The following SBF2 variants were observed in gnomAD, a reference collection of about 807,000 sequenced individuals.
SBF2 encodes SET binding factor 2.
Under a neutral mutation model 225.2 loss-of-function variants are expected in SBF2, and 112 were observed. The observed-to-expected ratio is 0.50, with a 90% CI of 0.43 to 0.58. The LOEUF is 0.58. Ranked by LOEUF, SBF2 falls within the 20% of genes least tolerant of loss-of-function variation. The pLI is 0.00. For synonymous variants in SBF2, 763 were observed against 773.3 expected (o/e 0.99, Z 0.22); for missense variants, 1,996 against 2,206.2 (o/e 0.90, Z 1.91).
intron 6 of SBF2, 93 bp from the exon 7 acceptor site, chr11:10,002,782 T>C (rs902264104): frequency 8.2e-7 from 1 of 1,225,012 alleles, no homozygotes; most frequent in African/African-American, 1.5e-5. Flanking sequence ...AAAAAGCCAG[T>C]AATTTTGGAC....
intron 2 of SBF2, among the ~76,000 whole-genome samples, chr11:10,077,826 A>T (rs1951181777): frequency 6.6e-6 from 1 of 152,246 alleles, no homozygotes; most frequent in Non-Finnish European, 1.5e-5. Context: ...ACAGCAAAAG[A>T]AACTATCAGC....
rs1244758143 is a variant in SBF2, at chr11:9,810,042, T to A, written c.4156-1040A>T. ...CTGTAATCCCAGCACTTTGGGAGGT[T>A]GAAGCAGGAGTAGTGCTTGAGCTCA... is the stretch of plus-strand genomic sequence containing the variant. On this transcript the variant is annotated intron_variant, in intron 30 of 39. Transcript: ENST00000256190. 5.9e-5 allele frequency among the ~76,000 whole-genome samples: 9 copies of A among 152,190 alleles called. 1 individual carries two copies. Among genetic ancestry groups the A allele is most frequent in the African/African-American group, 2.2e-4 (9 of 41,522 alleles).
intron 1 of SBF2, among the ~76,000 whole-genome samples, chr11:10,270,309 A>C (rs562926802): frequency 6.6e-6 from 1 of 152,216 alleles, no homozygotes; most frequent in Admixed American, 6.5e-5. Context: ...CCTTACAGAT[A>C]ACATAAATGG....
At chr11:10,007,334 A>G (rs1948241038) in intron 6 of SBF2, among the ~76,000 whole-genome samples, 1 of 152,134 alleles carries the variant, frequency 6.6e-6, no homozygotes, top group African/African-American at 2.4e-5. Context: ...CACGCCCCTC[A>G]GATGCATTCT....
intron 2 of SBF2, chr11:10,044,407 T>C (rs565352773): frequency 6.5e-6 from 1 of 154,810 alleles, no homozygotes; most frequent in South Asian, 2.0e-4. Flanking sequence ...GCAATGTAGA[T>C]ATAATAAGCA....
chr11:9,922,461 A>G (rs1259275038), intron 16 of SBF2, among the ~76,000 whole-genome samples: 3 of 152,194 alleles, frequency 2.0e-5, no homozygotes, highest in Non-Finnish European at 4.4e-5. Context: ...ACTTTTACAC[A>G]TATCTGCAAT....
chr11:9,811,790 G>T (rs1171421432), intron 30 of SBF2, among the ~76,000 whole-genome samples: 1 of 151,800 alleles, frequency 6.6e-6, no homozygotes, highest in African/African-American at 2.4e-5. Context: ...GGTAGATGGA[G>T]GCAGGGGACT....
Position 9,780,005 on chromosome 11 carries a change from C to A in SBF2, c.*413G>T, listed in dbSNP as rs1851911609. ...TAGTCCAGGTAGAATATGAGACAATCTTGGAGGGTTTTGATTTTTGCTTGT... is the reference window on the plus strand; with the variant it reads ...TAGTCCAGGTAGAATATGAGACAATATTGGAGGGTTTTGATTTTTGCTTGT... On this transcript the variant is annotated 3_prime_UTR_variant, in exon 40 of 40. Transcript: ENST00000256190. The A allele has an allele frequency of 1.8e-5, 5 of 280,528 alleles. No homozygotes were observed. The highest frequency in any genetic ancestry group is 1.6e-4 in the South Asian group (4 of 25,220). 17.4% of individuals were successfully genotyped at this position (280,528 alleles called of 1,614,324 possible).
At chr11:10,090,994 C>G (rs1951762521) in intron 2 of SBF2, among the ~76,000 whole-genome samples, 1 of 152,006 alleles carries the variant, frequency 6.6e-6, no homozygotes, top group Non-Finnish European at 1.5e-5. Flanking sequence ...AAAATGGTAT[C>G]TGAGAAATAA....
intron 2 of SBF2, among the ~76,000 whole-genome samples, chr11:10,052,140 G>C (rs1480411559): frequency 7.3e-6 from 1 of 137,276 alleles, no homozygotes; most frequent in Non-Finnish European, 1.6e-5. Context: ...TCTCCCCAGT[G>C]TCTTTATAGG....
chr11:9,784,250 T>C, intron 38 of SBF2, 101 bp downstream of exon 38: 1 of 901,906 alleles, frequency 1.1e-6, no homozygotes, highest in Non-Finnish European at 1.9e-6. Context: ...AAAAAAGCAG[T>C]CTGTACATGA....
rs752094261 is a variant in SBF2, at chr11:9,856,528, T to C, written c.2293A>G (p.Lys765Glu). 7 of 1,614,082 alleles carry C rather than the reference T, an allele frequency of 4.3e-6. No individual in the cohort carries two copies. The highest frequency in any genetic ancestry group is 1.3e-5 in the African/African-American group (1 of 74,926). The change falls in exon 19 of 40, where the codon AAA becomes GAA. Residue 765 changes from lysine (K) to glutamate (E), a missense_variant. Transcript: ENST00000256190. ...GCTGATGTTCTTAGGAGCTTGTTTT[T>C]ACTTGTGTCGAGTGGAACTAGCAGG... ...VNLLVPLDTS[K>E]NKLLRTSAPG...
chr11:10,206,114 T>A (rs1037285988), intron 1 of SBF2, among the ~76,000 whole-genome samples: 1 of 151,112 alleles, frequency 6.6e-6, no homozygotes, highest in Non-Finnish European at 1.5e-5. Flanking sequence ...CCACACAAAG[T>A]AGCCTGGTCC....
At chr11:10,047,023 C>G (rs1001395754) in intron 2 of SBF2, among the ~76,000 whole-genome samples, 14 of 152,006 alleles carry the variant, frequency 9.2e-5, no homozygotes, top group African/African-American at 3.1e-4. Flanking sequence ...ATACCATTTA[C>G]ATTAGCACTC....
At chr11:10,066,834 AG>A (rs1420805705) in intron 2 of SBF2, among the ~76,000 whole-genome samples, 4 of 152,224 alleles carry the variant, frequency 2.6e-5, no homozygotes, top group Non-Finnish European at 5.9e-5. Context: ...AAATCTACAA[AG>A]AGTGGACTCT....
intron 16 of SBF2, among the ~76,000 whole-genome samples, chr11:9,910,823 T>G (rs1180766062): frequency 2.1e-5 from 3 of 142,462 alleles, no homozygotes. Flanking sequence ...CCAAAGCAGG[T>G]GGATCATGAG....
intron 13 of SBF2, among the ~76,000 whole-genome samples, chr11:9,988,455 G>A (rs946070426): frequency 2.4e-4 from 37 of 152,148 alleles, no homozygotes; most frequent in Non-Finnish European, 7.4e-5. Flanking sequence ...ACAGTCAGCA[G>A]AGTAAACAGA....
chr11:10,183,127 AC>A (rs1565329010), intron 2 of SBF2, among the ~76,000 whole-genome samples: 2 of 152,108 alleles, frequency 1.3e-5, no homozygotes, highest in Non-Finnish European at 2.9e-5. Context: ...GGTGATCATC[AC>A]CCCACATTTT....
intron 2 of SBF2, among the ~76,000 whole-genome samples, chr11:10,124,198 C>A (rs1953626968): frequency 6.6e-6 from 1 of 152,104 alleles, no homozygotes; most frequent in South Asian, 2.1e-4. Flanking sequence ...CTATTAAGTT[C>A]TAAGGTGTTT....
Sources: gnomAD v4.1 joint callset for allele counts (sites outside exome capture counted in the v4.1 genomes callset) on GRCh38, gnomAD v4.1.1 for gene constraint, MANE v1.5 for transcripts, NCBI Gene and HGNC (gene_info 2026-07-23, HGNC 2026-07-21) for gene names.